Variants in SGSM3 observed in about 807,000 individuals in gnomAD.
The protein encoded by SGSM3 is RUN and SH3 containing 3.
Under a neutral mutation model 100.5 loss-of-function variants are expected in SGSM3, and 96 were observed. The observed-to-expected ratio is 0.96, with a 90% CI of 0.81 to 1.13. The LOEUF (loss-of-function observed/expected upper bound fraction) is 1.13, where lower values mean the gene tolerates loss of function less well. SGSM3 is among the 50% of genes most tolerant of loss of function. The pLI, the probability that SGSM3 is intolerant of heterozygous loss-of-function variation, is 0.00. For synonymous variants in SGSM3, 483 were observed against 422.8 expected, an observed-to-expected ratio of 1.14 and a Z score of -1.75; for missense variants, 1,001 against 1,015.8, an observed-to-expected ratio of 0.99 and a Z score of 0.20.
intron 1 of SGSM3, among the ~76,000 whole-genome samples, chr22:40,385,227 GA>G (rs1342403528): frequency 6.6e-6 from 1 of 152,226 alleles, no homozygotes; most frequent in East Asian, 1.9e-4. Context: ...GGTGGTGACA[GA>G]AGCTAGGGTG....
chr22:40,406,228 T>A lies in SGSM3; in HGVS notation c.960+5T>A. 1 of 1,613,740 alleles carries A rather than the reference T, an allele frequency of 6.2e-7. No individual in the cohort carries two copies. The highest frequency in any genetic ancestry group is 1.7e-5 in the Admixed American group (1 of 60,016). ...CTGGGCATGCTGCACCTCAAGGTGC[T>A]CCACGGCCCCACTTCAGGCTGAGGA... On this transcript the variant is annotated splice_donor_5th_base_variant and intron_variant, in intron 9 of 21. Transcript: ENST00000248929.
chr22:40,375,318 G>A (rs1245244674), intron 1 of SGSM3, among the ~76,000 whole-genome samples: 5 of 152,176 alleles, frequency 3.3e-5, no homozygotes, highest in Admixed American at 6.5e-5. Context: ...GGTGGCTCAC[G>A]CCTGTAATCC....
intron 1 of SGSM3, among the ~76,000 whole-genome samples, chr22:40,371,607 A>T (rs2045498121): frequency 6.6e-6 from 1 of 151,164 alleles, no homozygotes; most frequent in South Asian, 2.1e-4. Context: ...TTTAGTTCCA[A>T]TTATCTCTGC....
At chr22:40,380,673 C>T (rs1285275887) in intron 1 of SGSM3, among the ~76,000 whole-genome samples, 1 of 152,178 alleles carries the variant, frequency 6.6e-6, no homozygotes, top group East Asian at 1.9e-4. Context: ...GCCTGGCTCA[C>T]ACCTGTAATC....
chr22:40,391,974 C>CT (rs1334910142), intron 1 of SGSM3, among the ~76,000 whole-genome samples: 1 of 152,108 alleles, frequency 6.6e-6, no homozygotes, highest in African/African-American at 2.4e-5. Flanking sequence ...TCGTAAATAG[C>CT]TTTTTTCCCC....
chr22:40,384,484 AAAG>A (rs1478813238), intron 1 of SGSM3, among the ~76,000 whole-genome samples: 2 of 152,166 alleles, frequency 1.3e-5, no homozygotes, highest in Non-Finnish European at 1.5e-5. Flanking sequence ...AAAAAATTAA[AAAG>A]AAATACATAT....
intron 5 of SGSM3, 27 bp from the exon 6 acceptor site, chr22:40,404,530 A>G: frequency 1.2e-6 from 2 of 1,611,228 alleles, no homozygotes; most frequent in Non-Finnish European, 1.7e-6. Context: ...AGAAAGACTG[A>G]GTGCCCTTGC....
chr22:40,406,492 G>T lies in SGSM3; in HGVS notation c.1015G>T (p.Asp339Tyr), dbSNP rs763196832. The change falls in exon 10 of 22, where the codon GAT becomes TAT. Residue 339 changes from aspartate (D) to tyrosine (Y), a missense_variant. Asp to Tyr is a radical substitution (Grantham distance 160). Coordinates refer to ENST00000248929, the MANE Select transcript of SGSM3 (RefSeq NM_015705.6). ...GGCCTCCATCTTCAACACGCTATCG[G>T]ATATCCCGTCGCAGATGGAGGACGC... ...NSASIFNTLS[D>Y]IPSQMEDAEL... 3.1e-6 allele frequency: 5 copies of T among 1,610,742 alleles called. No individual in the cohort carries two copies. Among genetic ancestry groups the T allele is most frequent in the Middle Eastern group, 1.8e-4 (1 of 5,652 alleles).
intron 6 of SGSM3, 136 bp from the exon 7 acceptor site, chr22:40,405,005 C>T: frequency 2.4e-6 from 3 of 1,233,750 alleles, no homozygotes; most frequent in Non-Finnish European, 3.3e-6. Flanking sequence ...GGGAGCTGAC[C>T]CTGAAGGGAG....
intron 8 of SGSM3, 110 bp downstream of exon 8, chr22:40,405,954 T>C (rs897839090): frequency 2.0e-6 from 3 of 1,475,796 alleles, no homozygotes; most frequent in African/African-American, 2.8e-5. Context: ...GTCGCTCTTT[T>C]GTTCTCTGGT....
Position 40,408,339 on chromosome 22 carries a change from C to G in SGSM3, c.1692C>G (p.Leu564=), listed in dbSNP as rs756933240. The G allele has an allele frequency of 5.0e-6, 8 of 1,613,476 alleles. No individual in the cohort carries two copies. The highest frequency in any genetic ancestry group is 6.8e-6 in the Non-Finnish European group (8 of 1,180,018). Residue 564 remains leucine (L), a synonymous_variant, in exon 16 of 22, where the codon CTC becomes CTG. Transcript: ENST00000248929. ...EGVTDLVRGT[L]CPALKALFEH... is the part of the protein sequence containing the mutation. The stretch of plus-strand genomic sequence containing the variant: ...TCACAGACCTCGTGCGAGGGACCCT[C>G]TGCCCGGCCCTTAAGGCCCTGTTCG...
chr22:40,387,363 C>T (rs895815289), intron 1 of SGSM3: 4 of 392,192 alleles, frequency 1.0e-5, no homozygotes, highest in East Asian at 7.2e-5. Flanking sequence ...GAAACATTTC[C>T]GGTAATTATA....
At chr22:40,408,172 T>C in intron 15 of SGSM3, 52 bp downstream of exon 15, 1 of 1,607,360 alleles carries the variant, frequency 6.2e-7, no homozygotes, top group Non-Finnish European at 8.5e-7. Context: ...AGCCAGGGCC[T>C]GCGTGCCTAG....
intron 1 of SGSM3, among the ~76,000 whole-genome samples, chr22:40,372,144 T>C (rs2045674274): frequency 9.5e-6 from 1 of 105,746 alleles, no homozygotes; most frequent in Admixed American, 1.1e-4. Flanking sequence ...TTTTTTTTTT[T>C]GAGACGGAGT....
intron 1 of SGSM3, among the ~76,000 whole-genome samples, chr22:40,389,672 C>T (rs1274003162): frequency 6.7e-6 from 1 of 149,322 alleles, no homozygotes; most frequent in East Asian, 2.0e-4. Context: ...CTTTGGGAGG[C>T]CGAGGTGGGC....
rs1389157498 is a variant in SGSM3 at position 40,404,400 on chromosome 22, C to T, written c.311C>T (p.Ser104Phe). The T allele has an allele frequency of 2.5e-6, 4 of 1,608,606 alleles. No individual in the cohort carries two copies. Among genetic ancestry groups the T allele is most frequent in the African/African-American group, 2.7e-5 (2 of 74,838 alleles). Residue 104 changes from serine (S) to phenylalanine (F), a missense_variant, in exon 5 of 22, where the codon TCT becomes TTT. Ser to Phe is a radical substitution (Grantham distance 155). Transcript: ENST00000248929. ...WDKIAVSLPR[S>F]EKLRSLVLAG... ...AAGATTGCCGTCTCCCTACCCCGCT[C>T]TGAGAAGCTCCGCTCCCTGGTGCTG... is the stretch of plus-strand genomic sequence containing the variant.
In SGSM3 at chr22:40,409,017, A is replaced by AAGTG; in HGVS notation, c.1988+4_1988+7dup. The AAGTG allele has an allele frequency of 6.4e-7, 1 of 1,562,558 alleles. No individual in the cohort carries two copies. Among genetic ancestry groups the AAGTG allele is most frequent in the Non-Finnish European group, 8.7e-7 (1 of 1,153,232 alleles). On this transcript the variant is annotated stop_gained and frameshift_variant and splice_region_variant, in exon 19 of 22. Coordinates refer to ENST00000248929, the MANE Select transcript of SGSM3 (RefSeq NM_015705.6). LOFTEE classifies it high-confidence loss of function. ...CCGCTCACTGATCTGCGTGGGGCTC[A>AAGTG]AGTGAGTGTGGAAAAGGGGTTGGAG...
chr22:40,405,557 C>G (rs1270701075), intron 7 of SGSM3, 92 bp from the exon 8 acceptor site: 2 of 1,222,100 alleles, frequency 1.6e-6, no homozygotes. Context: ...CCCCAAGAGG[C>G]TTTTGCTAAT....
At chr22:40,380,622 G>C (rs2047413786) in intron 1 of SGSM3, among the ~76,000 whole-genome samples, 1 of 152,056 alleles carries the variant, frequency 6.6e-6, no homozygotes, top group African/African-American at 2.4e-5. Context: ...ACAGGCGTGA[G>C]TCACTGTGCC....
Sources: allele counts gnomAD v4.1 joint callset (sites outside exome capture counted in the v4.1 genomes callset), GRCh38; gene constraint gnomAD v4.1.1; transcripts MANE v1.5; gene names NCBI Gene and HGNC (gene_info 2026-07-23, HGNC 2026-07-21).